Variants in MTMR14 observed in about 807,000 individuals in gnomAD.
MTMR14 encodes myotubularin related protein 14.
Under a neutral mutation model 86.3 loss-of-function variants are expected in MTMR14, and 48 were observed. That is an observed-to-expected ratio of 0.56 (90% CI 0.44 to 0.71). The LOEUF is 0.71. MTMR14 is among the 30% of genes least tolerant of loss of function. The probability of loss-of-function intolerance (pLI) is 0.00; values close to 1 mark genes in which losing one functional copy is unlikely to be tolerated. For synonymous variants in MTMR14, 366 were observed against 326.1 expected, an observed-to-expected ratio of 1.12 and a Z score of -1.32; for missense variants, 780 against 834.6, an observed-to-expected ratio of 0.93 and a Z score of 0.81.
In MTMR14 at chr3:9,687,754, C is replaced by G; in HGVS notation, c.1165-67C>G. On this transcript the variant is annotated intron_variant, in intron 13 of 18. Transcript: ENST00000296003. ...AGGGGCCTTGACCTGAGTGGCTGGCCGCCCTCCCCTGGGAGTTCTGCTGCC... is the reference window on the plus strand; with the variant it reads ...AGGGGCCTTGACCTGAGTGGCTGGCGGCCCTCCCCTGGGAGTTCTGCTGCC... 1.1e-5 allele frequency: 16 copies of G among 1,401,618 alleles called. No homozygotes were observed. The South Asian group carries it at 2.0e-4, about 17-fold the overall frequency. The allele number at this position is 1,401,618 out of a possible 1,614,324, so 86.8% of individuals were successfully genotyped here. A position where few individuals can be genotyped will look rare whatever the true frequency, so the allele number is the denominator to read the frequency against.
At chr3:9,695,144 AGACT>A (rs1397797448) in intron 17 of MTMR14, among the ~76,000 whole-genome samples, 2 of 152,174 alleles carry the variant, frequency 1.3e-5, no homozygotes, top group African/African-American at 2.4e-5. Context: ...CTGTGTTCTT[AGACT>A]GACTGGAAGG....
intron 1 of MTMR14, 85 bp from the exon 2 acceptor site, chr3:9,653,536 G>A (rs1375937864): frequency 1.3e-6 from 2 of 1,566,114 alleles, no homozygotes; most frequent in Non-Finnish European, 1.8e-6. Context: ...GTCTTTCCCA[G>A]TGACCTCTTA....
In MTMR14 at chr3:9,684,317, G is replaced by A. The variant is rs375090067; in HGVS notation, c.965-268G>A. ...GATGTCATCCCTGCCTAAATGACCT[G>A]GGCAAAGTGGACTGTGTAGGCTGCA... On this transcript the variant is annotated intron_variant, in intron 10 of 18. Transcript: ENST00000296003. 2.7e-4 allele frequency among the ~76,000 whole-genome samples: 41 copies of A among 152,246 alleles called. No individual in the cohort carries two copies. In the East Asian group the frequency reaches 4.8e-3, roughly 18 times the overall value.
chr3:9,650,602 ACTTC>A (rs1247327489), intron 1 of MTMR14: 2 of 289,478 alleles, frequency 6.9e-6, no homozygotes, highest in Non-Finnish European at 1.4e-5. Flanking sequence ...TAAGGATTGG[ACTTC>A]CTCACTCTCC....
chr3:9,689,851 C>A, intron 16 of MTMR14, 113 bp from the exon 17 acceptor site: 1 of 1,071,916 alleles, frequency 9.3e-7, no homozygotes, highest in Non-Finnish European at 1.4e-6. Flanking sequence ...TTTGCCAACT[C>A]ATGTGATGTT....
intron 17 of MTMR14, among the ~76,000 whole-genome samples, chr3:9,695,648 T>C (rs1295700655): frequency 6.6e-6 from 1 of 152,230 alleles, no homozygotes; most frequent in African/African-American, 2.4e-5. Context: ...TCTTTGGCTC[T>C]TGGGGAGTGG....
chr3:9,676,055 A>G (rs559174320), intron 7 of MTMR14, among the ~76,000 whole-genome samples: 3 of 152,292 alleles, frequency 2.0e-5, no homozygotes, highest in South Asian at 2.1e-4. Flanking sequence ...AAGCTTTCCT[A>G]TCTTCCCTGA....
At position 9,653,785 on chromosome 3, in the gene MTMR14, C is replaced by T. The variant is rs747292533; in HGVS notation, c.308+16C>T. ...AGAAAGACACGTGAGCATCATGTGA[C>T]CGTAGTGTACATGTCTGGGGAGTCC... On this transcript the variant is annotated intron_variant, in intron 2 of 18. Transcript: ENST00000296003. The T allele has an allele frequency of 9.3e-6, 15 of 1,614,086 alleles. No individual in the cohort carries two copies. The highest frequency in any genetic ancestry group is 1.3e-5 in the Non-Finnish European group (15 of 1,179,984).
intron 16 of MTMR14, 100 bp from the exon 17 acceptor site, chr3:9,689,864 C>G: frequency 8.4e-7 from 1 of 1,189,660 alleles, no homozygotes; most frequent in South Asian, 1.4e-5. Context: ...GTGATGTTTT[C>G]CCAGTGGAAG....
At chr3:9,650,218 TC>T (rs1175101615) in intron 1 of MTMR14, 2 of 426,052 alleles carry the variant, frequency 4.7e-6, no homozygotes, top group Non-Finnish European at 9.6e-6. Flanking sequence ...CTTAGGCCCA[TC>T]CCTTTCCTTC....
chr3:9,696,195 TG>T (rs1333486399), intron 17 of MTMR14, among the ~76,000 whole-genome samples: 2 of 152,222 alleles, frequency 1.3e-5, no homozygotes, highest in Non-Finnish European at 2.9e-5. Flanking sequence ...TAATCATTCT[TG>T]GTTTTAAAAA....
intron 3 of MTMR14, among the ~76,000 whole-genome samples, chr3:9,662,686 C>A (rs1203121825): frequency 1.3e-5 from 2 of 152,176 alleles, no homozygotes; most frequent in Non-Finnish European, 2.9e-5. Flanking sequence ...GAATAATAAT[C>A]ACCTATTTCA....
At chr3:9,668,191 C>T (rs910201679) in intron 3 of MTMR14, among the ~76,000 whole-genome samples, 5 of 152,322 alleles carry the variant, frequency 3.3e-5, no homozygotes, top group East Asian at 1.9e-4. Flanking sequence ...CCCTTGCCCC[C>T]GCTAGAAAGG....
At position 9,701,905 on chromosome 3, in the gene MTMR14, A is replaced by G; in HGVS notation, c.1885A>G (p.Ile629Val). 6.2e-7 allele frequency: 1 copy of G among 1,614,188 alleles called. No homozygotes were observed. Among genetic ancestry groups the G allele is most frequent in the South Asian group, 1.1e-5 (1 of 91,090 alleles). Residue 629 changes from isoleucine to valine, a missense_variant, in exon 19 of 19, where the codon ATC becomes GTC. Ile to Val is a conservative substitution (Grantham distance 29). Coordinates refer to ENST00000296003, the MANE Select transcript of MTMR14 (RefSeq NM_001077525.3). This position sits in a 1 kb window ranked among gnomAD's most constrained non-coding sequence, Gnocchi z 4.2. ...AGTAGCCCCCAGTCCTTCCGGTGCC[A>G]TCGGGGGCCTGCTGGAGCAATTTGC... ...RAVAPSPSGA[I>V]GGLLEQFARG... is the part of the protein sequence containing the mutation.
At chr3:9,667,753 C>T (rs1559575228) in intron 3 of MTMR14, among the ~76,000 whole-genome samples, 1 of 152,322 alleles carries the variant, frequency 6.6e-6, no homozygotes, top group East Asian at 1.9e-4. Flanking sequence ...CGTTCCCACG[C>T]ACAACTCTTT....
At chr3:9,662,183 A>G (rs962335005) in intron 2 of MTMR14, 84 bp from the exon 3 acceptor site, 6 of 938,190 alleles carry the variant, frequency 6.4e-6, no homozygotes, top group Admixed American at 1.8e-5. Flanking sequence ...CAGATCTAGT[A>G]TGGGGGTCTG....
intron 1 of MTMR14, among the ~76,000 whole-genome samples, chr3:9,651,317 G>A (rs2047274845): frequency 6.6e-6 from 1 of 151,730 alleles, no homozygotes; most frequent in African/African-American, 2.4e-5. Context: ...TGCCCTGGCT[G>A]GTCTCAAACT....
At chr3:9,655,202 A>T (rs1158699178) in intron 2 of MTMR14, among the ~76,000 whole-genome samples, 1 of 151,878 alleles carries the variant, frequency 6.6e-6, no homozygotes, top group African/African-American at 2.4e-5. Flanking sequence ...CCCCATCCCT[A>T]CTAAAATTAC....
intron 7 of MTMR14, among the ~76,000 whole-genome samples, chr3:9,673,053 G>T (rs1319674451): frequency 6.6e-6 from 1 of 152,204 alleles, no homozygotes; most frequent in Non-Finnish European, 1.5e-5. Context: ...CAGGAGCTTG[G>T]AACGATTTAG....
Sources: gnomAD v4.1 joint callset for allele counts (sites outside exome capture counted in the v4.1 genomes callset) on GRCh38, gnomAD v4.1.1 for gene constraint, Gnocchi (gnomAD v3.1) non-coding constraint, MANE v1.5 for transcripts, NCBI Gene and HGNC (gene_info 2026-07-23, HGNC 2026-07-21) for gene names.